C7orf78: variants seen among roughly 807,000 people sequenced by gnomAD.
C7orf78 encodes the protein chromosome 7 open reading frame 78, also known as putative uncharacterized protein C7orf78.
At chr7:12,492,002 TGAA>T in the C7orf78 span, 1 of 152,168 alleles carries the variant, frequency 6.6e-6, no homozygotes, top group Non-Finnish European at 1.5e-5. Flanking sequence ...AAAGAAACTA[TGAA>T]GAAGAAGAAC....
At chr7:12,525,440 G>C in the C7orf78 span, among the ~76,000 whole-genome samples, 1 of 152,056 alleles carries the variant, frequency 6.6e-6, no homozygotes, top group Non-Finnish European at 1.5e-5. Context: ...AATTCTATGT[G>C]TCATAAATTA....
chr7:12,493,402 A>G, the C7orf78 span, among the ~76,000 whole-genome samples: 1 of 152,312 alleles, frequency 6.6e-6, no homozygotes, highest in East Asian at 1.9e-4. Flanking sequence ...CCCTGACTAT[A>G]CTCTGAGGGA....
chr7:12,530,714 C>T, the C7orf78 span, among the ~76,000 whole-genome samples: 1 of 152,044 alleles, frequency 6.6e-6, no homozygotes, highest in Non-Finnish European at 1.5e-5. Flanking sequence ...TCCCAAATTT[C>T]CTCTTATCTC....
At chr7:12,534,549 C>G in the C7orf78 span, among the ~76,000 whole-genome samples, 29 of 152,002 alleles carry the variant, frequency 1.9e-4, no homozygotes, top group Admixed American at 1.9e-3. Flanking sequence ...AAAAGGCAGA[C>G]AGAGAGCTTA....
At chr7:12,533,493 G>A in the C7orf78 span, among the ~76,000 whole-genome samples, 36,558 of 147,852 alleles carry the variant, frequency 0.25, 4,849 homozygotes, top group South Asian at 0.36. Context: ...GAGCCACAGC[G>A]CCCAGCCACC....
At chr7:12,495,025 T>C in the C7orf78 span, among the ~76,000 whole-genome samples, 2 of 152,158 alleles carry the variant, frequency 1.3e-5, no homozygotes, top group African/African-American at 4.8e-5. Flanking sequence ...CTGCCCGTCT[T>C]CTCCCATTGA....
At chr7:12,497,481 TCGGGAAA>T in the C7orf78 span, among the ~76,000 whole-genome samples, 1 of 6,042 alleles carries the variant, frequency 1.7e-4, no homozygotes, top group African/African-American at 4.7e-4. Flanking sequence ...ACCTGGAGAA[TCGGGAAA>T]ATCGGGTCAC....
At chr7:12,488,094 T>A in the C7orf78 span, among the ~76,000 whole-genome samples, 10 of 152,178 alleles carry the variant, frequency 6.6e-5, no homozygotes, top group African/African-American at 2.4e-4. Flanking sequence ...TACATATTGA[T>A]TGGAAGGTGA....
chr7:12,499,413 A>G, the C7orf78 span, among the ~76,000 whole-genome samples: 5 of 151,718 alleles, frequency 3.3e-5, no homozygotes, highest in South Asian at 4.2e-4. Flanking sequence ...AAACAAAAAA[A>G]GGCAGGGGTT....
chr7:12,524,827 TAATAAATA>T, the C7orf78 span, among the ~76,000 whole-genome samples: 355 of 151,706 alleles, frequency 2.3e-3, 1 homozygote, highest in African/African-American at 8.1e-3. Context: ...CAAAAAATAA[TAATAAATA>T]AATAAATAAA....
At chr7:12,489,152 A>G in the C7orf78 span, among the ~76,000 whole-genome samples, 3 of 152,110 alleles carry the variant, frequency 2.0e-5, no homozygotes, top group Admixed American at 2.0e-4. Flanking sequence ...AACAGTATAG[A>G]CAAAAAGCAA....
At chr7:12,504,124 C>T in the C7orf78 span, among the ~76,000 whole-genome samples, 1 of 152,134 alleles carries the variant, frequency 6.6e-6, no homozygotes, top group African/African-American at 2.4e-5. Flanking sequence ...ATGTCAAACT[C>T]ATATCACTTT....
the C7orf78 span, among the ~76,000 whole-genome samples, chr7:12,535,361 A>C: frequency 6.6e-6 from 1 of 152,190 alleles, no homozygotes; most frequent in African/African-American, 2.4e-5. Context: ...GAGCTTGTGC[A>C]GGGAAACTCT....
At chr7:12,531,458 C>T in the C7orf78 span, among the ~76,000 whole-genome samples, 19 of 151,984 alleles carry the variant, frequency 1.3e-4, no homozygotes, top group Admixed American at 5.9e-4. Context: ...AAGAGTAATC[C>T]ACCTGTAATT....
chr7:12,498,119 C>T, the C7orf78 span, among the ~76,000 whole-genome samples: 1 of 151,870 alleles, frequency 6.6e-6, no homozygotes, highest in Admixed American at 6.6e-5. Context: ...GCAGATAAAA[C>T]CACAAAGATG....
At chr7:12,531,408 T>C in the C7orf78 span, among the ~76,000 whole-genome samples, 1 of 152,142 alleles carries the variant, frequency 6.6e-6, no homozygotes, top group South Asian at 2.1e-4. Context: ...ATTAATGTAG[T>C]AGAGTTTGGG....
At chr7:12,491,719 C>T in the C7orf78 span, 1 of 152,218 alleles carries the variant, frequency 6.6e-6, no homozygotes, top group Non-Finnish European at 1.5e-5. Flanking sequence ...TTTACAAGCA[C>T]ACTCATCGGA....
the C7orf78 span, among the ~76,000 whole-genome samples, chr7:12,539,552 G>A: frequency 1.3e-5 from 2 of 152,078 alleles, no homozygotes; most frequent in African/African-American, 2.4e-5. Flanking sequence ...TAGTTGGTCT[G>A]GCCTATTTAC....
chr7:12,526,710 T>C, the C7orf78 span, among the ~76,000 whole-genome samples: 1 of 152,178 alleles, frequency 6.6e-6, no homozygotes, highest in Non-Finnish European at 1.5e-5. Context: ...TCAACTTTCC[T>C]AGTATATGCT....
Sources: allele counts gnomAD v4.1 joint callset (sites outside exome capture counted in the v4.1 genomes callset), GRCh38; gene constraint gnomAD v4.1.1; transcripts MANE v1.5; gene names NCBI Gene and HGNC (gene_info 2026-07-23, HGNC 2026-07-21).